Variants in TMEM132B observed in about 807,000 individuals in gnomAD.
The protein encoded by TMEM132B is transmembrane protein 132B.
In TMEM132B, 18 loss-of-function variants were observed where a neutral mutation model predicts 90.8. That is an observed-to-expected ratio of 0.20 (90% confidence interval 0.14 to 0.29). The LOEUF (loss-of-function observed/expected upper bound fraction) is 0.29. TMEM132B is among the 10% of genes least tolerant of loss of function. The pLI is 1.00. For missense variants in TMEM132B, 1,096 were observed against 1,326.8 expected, an observed-to-expected ratio of 0.83 and a Z score of 2.70; for synonymous variants, 504 against 523.3, an observed-to-expected ratio of 0.96 and a Z score of 0.50.
chr12:125,399,395 C>T (rs1011147606), intron 2 of TMEM132B, among the ~76,000 whole-genome samples: 1 of 151,202 alleles, frequency 6.6e-6, no homozygotes, highest in Non-Finnish European at 1.5e-5. Flanking sequence ...GGTTTAGATA[C>T]TTGGGGCCAA....
At chr12:125,575,998 G>C (rs1884932923) in intron 4 of TMEM132B, among the ~76,000 whole-genome samples, 1 of 151,932 alleles carries the variant, frequency 6.6e-6, no homozygotes, top group Non-Finnish European at 1.5e-5. Context: ...ACACTAGCTT[G>C]TGTACTTCTG....
chr12:125,557,101 CACTT>C (rs1441438639), intron 4 of TMEM132B, among the ~76,000 whole-genome samples: 25 of 152,290 alleles, frequency 1.6e-4, no homozygotes, highest in African/African-American at 6.0e-4. Context: ...ATCATATACA[CACTT>C]ACTCCCATAT....
At chr12:125,267,500 A>G (rs1367639654) in intron 1 of TMEM132B, among the ~76,000 whole-genome samples, 2 of 152,168 alleles carry the variant, frequency 1.3e-5, no homozygotes, top group Admixed American at 6.5e-5. Flanking sequence ...AAGGGGAGAA[A>G]GGAAACTAGA....
chr12:125,441,650 A>G (rs1880876266), intron 3 of TMEM132B, among the ~76,000 whole-genome samples: 1 of 152,210 alleles, frequency 6.6e-6, no homozygotes, highest in African/African-American at 2.4e-5. Context: ...GTGTTACAGA[A>G]AGAAGTGACT....
At chr12:125,272,840 A>G (rs1307065093) in intron 1 of TMEM132B, among the ~76,000 whole-genome samples, 1 of 152,086 alleles carries the variant, frequency 6.6e-6, no homozygotes, top group Non-Finnish European at 1.5e-5. Flanking sequence ...TGGCACTTCC[A>G]CTTCCAGAGT....
chr12:125,348,311 G>A (rs914100626), intron 1 of TMEM132B, among the ~76,000 whole-genome samples: 1 of 152,066 alleles, frequency 6.6e-6, no homozygotes, highest in Non-Finnish European at 1.5e-5. Context: ...TGCCAGCATT[G>A]TTCTATGTGC....
chr12:125,419,181 C>T (rs1292310926), intron 3 of TMEM132B, among the ~76,000 whole-genome samples: 1 of 152,088 alleles, frequency 6.6e-6, no homozygotes, highest in African/African-American at 2.4e-5. Context: ...TAGACTTCTT[C>T]AAAAAAACAG....
chr12:125,517,033 A>G (rs1457343748), intron 3 of TMEM132B, among the ~76,000 whole-genome samples: 3 of 152,094 alleles, frequency 2.0e-5, no homozygotes, highest in African/African-American at 4.8e-5. Context: ...CCCTTCATCT[A>G]TTTCTTTGCC....
At chr12:125,552,588 G>A (rs772677541) in intron 4 of TMEM132B, among the ~76,000 whole-genome samples, 4 of 152,026 alleles carry the variant, frequency 2.6e-5, no homozygotes, top group East Asian at 1.9e-4. Context: ...TCACACTCCC[G>A]GGCCCCTCCC....
At chr12:125,206,498 A>G (rs1346348905) in intron 1 of TMEM132B, among the ~76,000 whole-genome samples, 1 of 152,086 alleles carries the variant, frequency 6.6e-6, no homozygotes, top group African/African-American at 2.4e-5. Context: ...TCGGCCTCCC[A>G]AAGTGTCGGG....
intron 3 of TMEM132B, among the ~76,000 whole-genome samples, chr12:125,510,466 T>C (rs1882949451): frequency 6.6e-6 from 1 of 152,054 alleles, no homozygotes; most frequent in South Asian, 2.1e-4. Flanking sequence ...GATGGAGAGG[T>C]TTTGGAGTAT....
Position 125,251,885 on chromosome 12 carries a change from C to T in TMEM132B, c.67+65019C>T, listed in dbSNP as rs1270200328. On this transcript the variant is annotated intron_variant, in intron 1 of 8. Transcript: ENST00000682704. The surrounding 1 kb of genome is among the most constrained non-coding windows in gnomAD (Gnocchi z 4.4). Reference sequence around the variant, plus strand: ...GTCAAAACAAAGCAAAAGAACAATACAGCACTTTAGAACACAGTTAGGTGC... The same window carrying T: ...GTCAAAACAAAGCAAAAGAACAATATAGCACTTTAGAACACAGTTAGGTGC... 6.6e-6 allele frequency among the ~76,000 whole-genome samples: 1 copy of T among 152,204 alleles called. No individual in the cohort carries two copies. Among genetic ancestry groups the T allele is most frequent in the Non-Finnish European group, 1.5e-5 (1 of 68,032 alleles).
intron 1 of TMEM132B, among the ~76,000 whole-genome samples, chr12:125,242,876 G>A (rs1205060125): frequency 2.0e-5 from 3 of 151,912 alleles, no homozygotes; most frequent in Non-Finnish European, 4.4e-5. Flanking sequence ...TACCATTAGT[G>A]CCGACTGGTG....
chr12:125,408,373 G>A lies in TMEM132B; in HGVS notation c.960-7158G>A, dbSNP rs749113379. 6.6e-5 allele frequency among the ~76,000 whole-genome samples: 10 copies of A among 152,094 alleles called. No homozygotes were observed. The highest frequency in any genetic ancestry group is 4.6e-4 in the Admixed American group (7 of 15,276). On this transcript the variant is annotated intron_variant, in intron 2 of 8. Coordinates refer to ENST00000682704, the MANE Select transcript of TMEM132B (RefSeq NM_001366854.1). The surrounding 1 kb of genome is among the most constrained non-coding windows in gnomAD (Gnocchi z 5.9). ...GAGGTGGGGCCTTTTGGGAGATTAGGTCATCTCCCTAAAGGAATGGGATTA... is the reference window on the plus strand; with the variant it reads ...GAGGTGGGGCCTTTTGGGAGATTAGATCATCTCCCTAAAGGAATGGGATTA...
intron 1 of TMEM132B, among the ~76,000 whole-genome samples, chr12:125,269,596 A>G (rs1874776603): frequency 6.6e-6 from 1 of 152,188 alleles, no homozygotes; most frequent in Admixed American, 6.5e-5. Flanking sequence ...TGTTTAAACA[A>G]AATGAGAAAT....
At chr12:125,311,989 C>T (rs78900197) in intron 1 of TMEM132B, among the ~76,000 whole-genome samples, 1,576 of 152,274 alleles carry the variant, frequency 0.01, 38 homozygotes, top group African/African-American at 0.036. Context: ...ACAATGAGCA[C>T]GCTCTCTCCA....
chr12:125,517,612 G>A (rs1258953881), intron 3 of TMEM132B, among the ~76,000 whole-genome samples: 1 of 152,084 alleles, frequency 6.6e-6, no homozygotes, highest in Non-Finnish European at 1.5e-5. Context: ...GCCCACGGGA[G>A]CCCCTAAACT....
In TMEM132B at chr12:125,645,167, G is replaced by A. The variant is rs1477189420; in HGVS notation, c.1643+886G>A. 2.8e-5 allele frequency among the ~76,000 whole-genome samples: 4 copies of A among 142,822 alleles called. 1 individual carries two copies. Among genetic ancestry groups the A allele is most frequent in the African/African-American group, 7.9e-5 (3 of 38,200 alleles). 93.7% of individuals were successfully genotyped at this position (142,822 alleles called of 152,430 possible). ...CGGGAGGCGGAGCTTGCAGTGAGCCGAGATCTTGCCACTGCACTCCAGCCT... is the reference window on the plus strand; with the variant it reads ...CGGGAGGCGGAGCTTGCAGTGAGCCAAGATCTTGCCACTGCACTCCAGCCT... On this transcript the variant is annotated intron_variant, in intron 6 of 8. Transcript: ENST00000682704.
intron 4 of TMEM132B, among the ~76,000 whole-genome samples, chr12:125,565,834 T>G (rs974328735): frequency 1.1e-4 from 16 of 152,226 alleles, no homozygotes; most frequent in Admixed American, 9.2e-4. Context: ...CATGGAAGGC[T>G]AAAAGGCAAC....
Sources: allele counts gnomAD v4.1 joint callset (sites outside exome capture counted in the v4.1 genomes callset), GRCh38; gene constraint gnomAD v4.1.1; non-coding constraint Gnocchi (gnomAD v3.1); transcripts MANE v1.5; gene names NCBI Gene and HGNC (gene_info 2026-07-23, HGNC 2026-07-21).